Variants in NCAM2 observed in about 807,000 individuals in gnomAD.
The protein encoded by NCAM2 is N-CAM-2.
In NCAM2, 30 loss-of-function variants were observed where a neutral mutation model predicts 98.1. The observed-to-expected ratio is 0.31, with a 90% confidence interval of 0.23 to 0.41. NCAM2 has a LOEUF of 0.41. NCAM2 is among the 10% of genes least tolerant of loss of function. NCAM2 has a pLI of 1.00. For missense variants in NCAM2, 867 were observed against 1,005.8 expected, an observed-to-expected ratio of 0.86 and a Z score of 1.87; for synonymous variants, 368 against 342.4, an observed-to-expected ratio of 1.07 and a Z score of -0.83.
At chr21:21,238,484 T>C (rs1197975062) in intron 1 of NCAM2, among the ~76,000 whole-genome samples, 1 of 152,106 alleles carries the variant, frequency 6.6e-6, no homozygotes, top group Non-Finnish European at 1.5e-5. Flanking sequence ...GAAGCCCAAA[T>C]ATATTATTAC....
At chr21:21,095,377 T>C (rs960798473) in intron 1 of NCAM2, among the ~76,000 whole-genome samples, 2 of 151,644 alleles carry the variant, frequency 1.3e-5, no homozygotes, top group Admixed American at 1.3e-4. Context: ...GGTAAATGTA[T>C]GTAATATTGT....
intron 1 of NCAM2, among the ~76,000 whole-genome samples, chr21:21,166,871 CT>C (rs895003195): frequency 1.1e-4 from 17 of 152,306 alleles, no homozygotes; most frequent in Admixed American, 1.0e-3. Flanking sequence ...TTGCATCTCT[CT>C]CAAAAAGTTT....
At chr21:21,357,659 G>A (rs184546648) in intron 8 of NCAM2, among the ~76,000 whole-genome samples, 95 of 151,966 alleles carry the variant, frequency 6.3e-4, no homozygotes, top group Non-Finnish European at 1.0e-3. Context: ...TTATACTTCT[G>A]GGTAAATTTT....
At chr21:21,375,426 T>A (rs1284077937) in intron 9 of NCAM2, among the ~76,000 whole-genome samples, 1 of 151,776 alleles carries the variant, frequency 6.6e-6, no homozygotes, top group Non-Finnish European at 1.5e-5. Flanking sequence ...TTTGCTGATA[T>A]TAGGCAGCTT....
intron 5 of NCAM2, among the ~76,000 whole-genome samples, chr21:21,322,144 A>G (rs1011171308): frequency 2.6e-5 from 4 of 152,290 alleles, no homozygotes; most frequent in African/African-American, 9.6e-5. Flanking sequence ...ACAAACAAAC[A>G]TGAAATCATG....
rs9977635 is a variant in NCAM2 at position 21,462,281 on chromosome 21, C to T, written c.1655-4325C>T. 3.8e-3 allele frequency among the ~76,000 whole-genome samples: 571 copies of T among 151,900 alleles called. 5 individuals are homozygous for T. The highest frequency in any genetic ancestry group is 0.013 in the African/African-American group (547 of 41,418). On this transcript the variant is annotated intron_variant, in intron 12 of 17. Coordinates refer to ENST00000400546, the MANE Select transcript of NCAM2 (RefSeq NM_004540.5). Reference sequence around the variant, plus strand: ...CATCTGGGGAGACTGTAATTGCTTACGTTGAATAGGACAAAAACCCCATGA... The same window carrying T: ...CATCTGGGGAGACTGTAATTGCTTATGTTGAATAGGACAAAAACCCCATGA...
At chr21:21,181,493 G>T (rs142931872) in intron 1 of NCAM2, among the ~76,000 whole-genome samples, 69 of 152,218 alleles carry the variant, frequency 4.5e-4, no homozygotes, top group African/African-American at 1.7e-3. Flanking sequence ...TGCTTGTCGT[G>T]TGCGTTGTCA....
chr21:21,060,231 C>T (rs373258641), intron 1 of NCAM2, among the ~76,000 whole-genome samples: 2 of 151,978 alleles, frequency 1.3e-5, no homozygotes, highest in Admixed American at 6.6e-5. Context: ...TTCAGCTTAC[C>T]ACATCACTAA....
At chr21:21,058,010 T>C (rs4818601) in intron 1 of NCAM2, among the ~76,000 whole-genome samples, 133,819 of 152,010 alleles carry the variant, frequency 0.88, 59,497 homozygotes, top group Middle Eastern at 0.96. Context: ...ATGACTTCTA[T>C]ATGATTGAAC....
chr21:21,281,567 G>T (rs925806935), intron 2 of NCAM2, among the ~76,000 whole-genome samples: 3 of 151,932 alleles, frequency 2.0e-5, no homozygotes, highest in Non-Finnish European at 4.4e-5. Context: ...AAATATTTCA[G>T]CATCAAAGTT....
In NCAM2 at chr21:21,080,769, C is replaced by T. The variant is rs114187244; in HGVS notation, c.55+82151C>T. Among the ~76,000 whole-genome samples, 90 of 151,378 alleles carry T rather than the reference C, an allele frequency of 5.9e-4. 1 individual carries two copies. Among genetic ancestry groups the T allele is most frequent in the African/African-American group, 2.0e-3 (83 of 41,276 alleles). On this transcript the variant is annotated intron_variant, in intron 1 of 17. Transcript: ENST00000400546. ...AATTTCTGTTGTGACTATCCGTGAGCTCCTGGAGCTTAAAGTGTTACTAGA... is the reference window on the plus strand; with the variant it reads ...AATTTCTGTTGTGACTATCCGTGAGTTCCTGGAGCTTAAAGTGTTACTAGA...
chr21:21,230,912 G>A (rs759283065), intron 1 of NCAM2, among the ~76,000 whole-genome samples: 25 of 151,226 alleles, frequency 1.7e-4, no homozygotes, highest in Non-Finnish European at 3.4e-4. Context: ...TGTAGTTGTA[G>A]GTGACTGGAA....
chr21:21,038,764 A>G (rs1467216707), intron 1 of NCAM2, among the ~76,000 whole-genome samples: 1 of 152,152 alleles, frequency 6.6e-6, no homozygotes, highest in Non-Finnish European at 1.5e-5. Context: ...CTTCTGAAAT[A>G]TACTGATTCA....
At chr21:21,139,718 A>C (rs1324423705) in intron 1 of NCAM2, among the ~76,000 whole-genome samples, 1 of 152,158 alleles carries the variant, frequency 6.6e-6, no homozygotes, top group African/African-American at 2.4e-5. Context: ...ATATAAAATA[A>C]ATATATAAAA....
chr21:21,292,091 G>A lies in NCAM2; in HGVS notation c.482-13G>A. Reference sequence around the variant, plus strand: ...TTACTGATACCATTTTCTCCCCTTTGCTTTCTTTCCAGATCGGTTCGCTAT... The same window carrying A: ...TTACTGATACCATTTTCTCCCCTTTACTTTCTTTCCAGATCGGTTCGCTAT... On this transcript the variant is annotated splice_polypyrimidine_tract_variant and intron_variant, in intron 4 of 17. Coordinates refer to ENST00000400546, the MANE Select transcript of NCAM2 (RefSeq NM_004540.5). 4 of 1,601,028 alleles carry A rather than the reference G, an allele frequency of 2.5e-6. No individual in the cohort carries two copies. The highest frequency in any genetic ancestry group is 3.4e-6 in the Non-Finnish European group (4 of 1,174,094).
intron 8 of NCAM2, among the ~76,000 whole-genome samples, chr21:21,350,755 GATATAC>G (rs2075311911): frequency 6.6e-6 from 1 of 152,074 alleles, no homozygotes; most frequent in Non-Finnish European, 1.5e-5. Context: ...ATCAATTTCA[GATATAC>G]ATATAAGCGT....
At chr21:21,499,801 T>C (rs1343809395) in intron 15 of NCAM2, among the ~76,000 whole-genome samples, 2 of 152,166 alleles carry the variant, frequency 1.3e-5, no homozygotes, top group Non-Finnish European at 2.9e-5. Context: ...TAGATATGTA[T>C]ATCACCATTT....
chr21:21,292,008 C>A (rs1275485039), intron 4 of NCAM2, 96 bp from the exon 5 acceptor site: 2 of 1,149,074 alleles, frequency 1.7e-6, no homozygotes, highest in South Asian at 2.0e-5. Flanking sequence ...TTGATAGTGT[C>A]AGACAGTGCC....
At chr21:21,521,382 GA>G (rs1049492231) in intron 16 of NCAM2, among the ~76,000 whole-genome samples, 1 of 152,010 alleles carries the variant, frequency 6.6e-6, no homozygotes, top group Non-Finnish European at 1.5e-5. Context: ...CAGCTGTCAG[GA>G]AAAAAATTAC....
Sources: allele counts gnomAD v4.1 joint callset (sites outside exome capture counted in the v4.1 genomes callset), GRCh38; gene constraint gnomAD v4.1.1; transcripts MANE v1.5; gene names NCBI Gene and HGNC (gene_info 2026-07-23, HGNC 2026-07-21).